PDZRN3: variants seen among roughly 807,000 people sequenced by gnomAD.
PDZRN3 encodes PDZ domain containing ring finger 3.
PDZRN3 carries 38 observed loss-of-function variants against 85.7 expected under a neutral mutation model. The observed-to-expected ratio is 0.44, with a 90% CI of 0.34 to 0.58. PDZRN3 has a LOEUF of 0.58. PDZRN3 is among the 20% of genes least tolerant of loss of function. PDZRN3 has a pLI of 0.01. For missense variants in PDZRN3, 1,629 were observed against 1,506.4 expected (o/e 1.08, Z -1.35); for synonymous variants, 759 against 638.0 (o/e 1.19, Z -2.86).
At chr3:73,574,940 T>C (rs1702101640) in intron 3 of PDZRN3, among the ~76,000 whole-genome samples, 1 of 152,214 alleles carries the variant, frequency 6.6e-6, no homozygotes, top group African/African-American at 2.4e-5. Flanking sequence ...GAGTTTTATA[T>C]CTCTCAGCTC....
chr3:73,534,700 C>T (rs1704735144), intron 3 of PDZRN3, among the ~76,000 whole-genome samples: 1 of 152,220 alleles, frequency 6.6e-6, no homozygotes, highest in Non-Finnish European at 1.5e-5. Flanking sequence ...TTCTGCTCCA[C>T]TTTTCACAGA....
chr3:73,581,287 A>G (rs1455889945), intron 3 of PDZRN3, among the ~76,000 whole-genome samples: 1 of 152,214 alleles, frequency 6.6e-6, no homozygotes, highest in African/African-American at 2.4e-5. Context: ...ATACACACTC[A>G]ACTATGTTAT....
chr3:73,474,437 G>A (rs560888559), intron 3 of PDZRN3: 2 of 1,238,498 alleles, frequency 1.6e-6, no homozygotes, highest in Non-Finnish European at 2.1e-6. Flanking sequence ...TAAAAAAGGT[G>A]GAGCAGATTA....
chr3:73,447,900 G>A (rs1303263033), intron 3 of PDZRN3, among the ~76,000 whole-genome samples: 1 of 152,138 alleles, frequency 6.6e-6, no homozygotes, highest in Non-Finnish European at 1.5e-5. Context: ...CATCTACCCA[G>A]ATCCCTCTGG....
At chr3:73,580,166 T>G (rs1702178271) in intron 3 of PDZRN3, among the ~76,000 whole-genome samples, 1 of 152,200 alleles carries the variant, frequency 6.6e-6, no homozygotes, top group African/African-American at 2.4e-5. Flanking sequence ...GAGCTTTGTC[T>G]AGGACCCTGC....
At chr3:73,603,374 C>A (rs1453346798) in intron 2 of PDZRN3, among the ~76,000 whole-genome samples, 1 of 152,168 alleles carries the variant, frequency 6.6e-6, no homozygotes, top group African/African-American at 2.4e-5. Context: ...AATCAAAAGG[C>A]TCCAACAAGC....
chr3:73,581,975 C>A (rs1231795351), intron 3 of PDZRN3, among the ~76,000 whole-genome samples: 1 of 55,350 alleles, frequency 1.8e-5, no homozygotes, highest in Non-Finnish European at 4.7e-5. Context: ...TGGCACGTGC[C>A]TGTGGTACCA....
chr3:73,452,839 C>CTGTGTGTGTGTG (rs35308043), intron 3 of PDZRN3, among the ~76,000 whole-genome samples: 12,723 of 140,494 alleles, frequency 0.091, 685 homozygotes, highest in Non-Finnish European at 0.11. Context: ...GTCCATATAT[C>CTGTGTGTGTGTG]TGTGTGTGTG....
chr3:73,440,111 T>C (rs921332493), intron 3 of PDZRN3, among the ~76,000 whole-genome samples: 1 of 152,114 alleles, frequency 6.6e-6, no homozygotes. Context: ...CTTGAGGACA[T>C]TTTCTTTGGG....
At chr3:73,435,118 C>T (rs894835451) in intron 3 of PDZRN3, among the ~76,000 whole-genome samples, 14 of 152,224 alleles carry the variant, frequency 9.2e-5, no homozygotes, top group African/African-American at 2.7e-4. Context: ...AAGAATAATG[C>T]TCCCTTTCTC....
intron 3 of PDZRN3, chr3:73,433,938 A>C: frequency 2.2e-6 from 3 of 1,392,422 alleles, no homozygotes; most frequent in Non-Finnish European, 1.9e-6. Context: ...GCACACACAC[A>C]CACATACACA....
chr3:73,408,261 C>T, intron 3 of PDZRN3: 1 of 701,880 alleles, frequency 1.4e-6, no homozygotes, highest in Non-Finnish European at 2.6e-6. Flanking sequence ...GTTTTCTCAT[C>T]TGCAAAATAA....
intron 3 of PDZRN3, among the ~76,000 whole-genome samples, chr3:73,531,047 G>C (rs1456160450): frequency 6.6e-6 from 1 of 152,012 alleles, no homozygotes; most frequent in African/African-American, 2.4e-5. Context: ...TCAGGAGATC[G>C]AGACCATCCT....
chr3:73,593,952 A>C (rs1167768036), intron 3 of PDZRN3: 1 of 152,186 alleles, frequency 6.6e-6, no homozygotes, highest in Non-Finnish European at 1.5e-5. Context: ...TGGTTTTTCT[A>C]GTAAAAAGTG....
At position 73,384,388 on chromosome 3, in the gene PDZRN3, G is replaced by A; in HGVS notation, c.2178C>T (p.Phe726=). ...RESWMLHNSG[F]RNYNTSIDVR... ...CGTCGATGCTGGTGTTGTAGTTGCG[G>A]AAGCCGCTGTTGTGCAGCATCCAGG... Residue 726 remains phenylalanine, a synonymous_variant, in exon 10 of 10, where the codon TTC becomes TTT. Coordinates refer to ENST00000263666, the MANE Select transcript of PDZRN3 (RefSeq NM_015009.3). 1.2e-6 allele frequency: 2 copies of A among 1,609,248 alleles called. No individual in the cohort carries two copies. Among genetic ancestry groups the A allele is most frequent in the Non-Finnish European group, 1.7e-6 (2 of 1,179,950 alleles).
chr3:73,540,137 A>G (rs1704883597), intron 3 of PDZRN3, among the ~76,000 whole-genome samples: 1 of 151,544 alleles, frequency 6.6e-6, no homozygotes, highest in East Asian at 1.9e-4. Context: ...AACAAAGCAA[A>G]TAACTGGTGT....
chr3:73,407,509 A>G (rs1360275137), intron 3 of PDZRN3, among the ~76,000 whole-genome samples: 1 of 152,228 alleles, frequency 6.6e-6, no homozygotes, highest in African/African-American at 2.4e-5. Flanking sequence ...AAACATCCTA[A>G]AAAGTGTAAA....
chr3:73,395,918 A>G (rs940110829), intron 5 of PDZRN3, among the ~76,000 whole-genome samples: 3 of 152,214 alleles, frequency 2.0e-5, no homozygotes, highest in Admixed American at 2.0e-4. Flanking sequence ...CTAGTGGGGA[A>G]GAAAGACAAG....
At chr3:73,585,090 C>T (rs1044214847) in intron 3 of PDZRN3, among the ~76,000 whole-genome samples, 4 of 152,146 alleles carry the variant, frequency 2.6e-5, no homozygotes, top group Non-Finnish European at 4.4e-5. Context: ...TAAGCAGATG[C>T]CCCACTAACT....
Sources: gnomAD v4.1 joint callset for allele counts (sites outside exome capture counted in the v4.1 genomes callset) on GRCh38, gnomAD v4.1.1 for gene constraint, MANE v1.5 for transcripts, NCBI Gene and HGNC (gene_info 2026-07-23, HGNC 2026-07-21) for gene names.